HK2: variants seen among roughly 807,000 people sequenced by gnomAD.
HK2 encodes the protein hexokinase 2, also known as hexokinase-2.
A neutral mutation model predicts 92.9 loss-of-function variants in HK2; 42 were observed. The ratio of observed to expected loss-of-function variants is 0.45; its 90% CI spans 0.35 to 0.58. The LOEUF is 0.58. Among genes scored for constraint, HK2 ranks in the 20% least tolerant of loss-of-function variants. HK2 has a pLI of 0.00. For missense variants in HK2, 978 were observed against 1,245.1 expected, an observed-to-expected ratio of 0.79 and a Z score of 3.23; for synonymous variants, 422 against 468.0, an observed-to-expected ratio of 0.90 and a Z score of 1.27.
chr2:74,866,220 A>G (rs1688945709), intron 2 of HK2, among the ~76,000 whole-genome samples: 1 of 152,070 alleles, frequency 6.6e-6, no homozygotes, highest in South Asian at 2.1e-4. Context: ...TGCTGAGTGC[A>G]CCTGGGTGTA....
chr2:74,859,088 C>A (rs1688756702), intron 2 of HK2, among the ~76,000 whole-genome samples: 1 of 152,196 alleles, frequency 6.6e-6, no homozygotes, highest in Admixed American at 6.5e-5. Context: ...TGCTTCTTTC[C>A]CAAACAGTTT....
At position 74,834,528 on chromosome 2, in the gene HK2, C is replaced by A; in HGVS notation, c.-53C>A. 1.9e-6 allele frequency: 3 copies of A among 1,588,720 alleles called. No homozygotes were observed. The Admixed American group carries it at 5.0e-5, about 26-fold the overall frequency. ...AGTCGGACCGCGCCGCCCGCCTCCC[C>A]TCTCGCGTCTCCGCCTCGGTTTCCC... On this transcript the variant is annotated 5_prime_UTR_variant, in exon 1 of 18. Transcript: ENST00000290573. This position sits in a 1 kb window ranked among gnomAD's most constrained non-coding sequence, Gnocchi z 4.2.
chr2:74,866,722 T>G (rs1335329116), intron 2 of HK2, among the ~76,000 whole-genome samples: 1 of 152,170 alleles, frequency 6.6e-6, no homozygotes, highest in Non-Finnish European at 1.5e-5. Context: ...CCACAGCTTT[T>G]CTGTTGCTTC....
chr2:74,849,047 A>G lies in HK2; in HGVS notation c.64-5246A>G, dbSNP rs116804596. ...GTGTATGGCCCACCCTGCACACTGC[A>G]TACTTCGAAGTGGAGCCTCCATGAA... On this transcript the variant is annotated intron_variant, in intron 1 of 17. Transcript: ENST00000290573. 4.2e-3 allele frequency among the ~76,000 whole-genome samples: 647 copies of G among 152,268 alleles called. 5 individuals carry two copies. The highest frequency in any genetic ancestry group is 0.015 in the African/African-American group (605 of 41,548).
intron 10 of HK2, among the ~76,000 whole-genome samples, chr2:74,880,998 G>T (rs1689377745): frequency 6.6e-6 from 1 of 152,218 alleles, no homozygotes; most frequent in Non-Finnish European, 1.5e-5. Flanking sequence ...TCACCACATT[G>T]GTCTGAGTCA....
At position 74,867,621 on chromosome 2, in the gene HK2, T is replaced by G. The variant is rs1300506217; in HGVS notation, c.227-15T>G. ...TTTTGCCCAAAATTAATAGTGGCCCTTCCTTTCTCTGCAGAACACGGAGAG... is the reference window on the plus strand; with the variant it reads ...TTTTGCCCAAAATTAATAGTGGCCCGTCCTTTCTCTGCAGAACACGGAGAG... On this transcript the variant is annotated splice_polypyrimidine_tract_variant and intron_variant, in intron 2 of 17. Transcript: ENST00000290573. The G allele has an allele frequency of 1.9e-6, 3 of 1,612,366 alleles. No individual in the cohort carries two copies. The African/African-American group carries it at 4.0e-5, about 22-fold the overall frequency.
chr2:74,852,506 G>T (rs974725573), intron 1 of HK2, among the ~76,000 whole-genome samples: 1 of 152,132 alleles, frequency 6.6e-6, no homozygotes, highest in African/African-American at 2.4e-5. Context: ...GGAGGCCCAG[G>T]CCTCCTCAGG....
chr2:74,883,135 G>A (rs1397643535), intron 12 of HK2, among the ~76,000 whole-genome samples: 1 of 152,136 alleles, frequency 6.6e-6, no homozygotes, highest in African/African-American at 2.4e-5. Context: ...TTAAGCAGTT[G>A]TGTCTCTGTC....
At chr2:74,869,462 A>G (rs1442560197) in intron 3 of HK2, among the ~76,000 whole-genome samples, 1 of 152,216 alleles carries the variant, frequency 6.6e-6, no homozygotes, top group East Asian at 1.9e-4. Context: ...TTGGTTAAGA[A>G]CAAATCTTGG....
At chr2:74,873,815 G>T in intron 5 of HK2, 29 bp from the exon 6 acceptor site, 1 of 1,535,622 alleles carries the variant, frequency 6.5e-7, no homozygotes, top group Non-Finnish European at 9.0e-7. Flanking sequence ...TGATGATGAA[G>T]GTCAGAGCCC....
intron 7 of HK2, 144 bp from the exon 8 acceptor site, chr2:74,877,022 C>T (rs1689249140): frequency 9.2e-6 from 10 of 1,091,744 alleles, no homozygotes; most frequent in Non-Finnish European, 1.4e-5. Context: ...GCCGTCACCT[C>T]TCCACGTATC....
intron 1 of HK2, among the ~76,000 whole-genome samples, chr2:74,844,359 T>G (rs865953679): frequency 1.3e-5 from 2 of 152,324 alleles, no homozygotes; most frequent in Middle Eastern, 6.8e-3. Context: ...AGGTGTCAGT[T>G]TCCCAAGATC....
Position 74,834,664 on chromosome 2 carries a change from CGGCA to C in HK2, c.63+25_63+28del. On this transcript the variant is annotated intron_variant, in intron 1 of 17. Coordinates refer to ENST00000290573, the MANE Select transcript of HK2 (RefSeq NM_000189.5). This position sits in a 1 kb window ranked among gnomAD's most constrained non-coding sequence, Gnocchi z 4.2. ...AGAAGGTAAGTCAGCGCGGGCGGGGCGGCAGGCTGGGCTCTGGCAAAGTGGTCTG... is the reference window on the plus strand; with the variant it reads ...AGAAGGTAAGTCAGCGCGGGCGGGGCGGCTGGGCTCTGGCAAAGTGGTCTG... 1 of 1,612,966 alleles carries C rather than the reference CGGCA, an allele frequency of 6.2e-7. No individual in the cohort carries two copies. Among genetic ancestry groups the C allele is most frequent in the Non-Finnish European group, 8.5e-7 (1 of 1,179,128 alleles).
At chr2:74,878,413 CTGTGTGTGTG>C (rs56015017) in intron 8 of HK2, among the ~76,000 whole-genome samples, 23 of 149,916 alleles carry the variant, frequency 1.5e-4, no homozygotes, top group South Asian at 4.2e-4. Context: ...CCGTGTGTCT[CTGTGTGTGTG>C]TGTGTGTGTG....
chr2:74,859,979 T>G (rs1688784757), intron 2 of HK2, among the ~76,000 whole-genome samples: 1 of 152,234 alleles, frequency 6.6e-6, no homozygotes, highest in Non-Finnish European at 1.5e-5. Context: ...AATAGAATAC[T>G]GTTCAGTCTT....
chr2:74,887,351 A>T (rs759841630), intron 15 of HK2, among the ~76,000 whole-genome samples: 1 of 150,848 alleles, frequency 6.6e-6, no homozygotes, highest in Non-Finnish European at 1.5e-5. Context: ...GAAACTAGGG[A>T]CCTCGTTTTT....
rs1689543483 is a variant in HK2 at position 74,886,533 on chromosome 2, G to A, written c.2079G>A (p.Val693=). 4 of 1,613,876 alleles carry A rather than the reference G, an allele frequency of 2.5e-6. No homozygotes were observed. In the South Asian group the frequency reaches 4.4e-5, roughly 18 times the overall value. Residue 693 remains valine, a synonymous_variant, in exon 15 of 18, where the codon GTG becomes GTA. Transcript: ENST00000290573. ...GCTACATGGAGGAGATGCGCAACGT[G>A]GAACTGGTGGAAGGAGAAGAGGGGC... ...NACYMEEMRN[V]ELVEGEEGRM...
chr2:74,859,435 C>A (rs147980122), intron 2 of HK2, among the ~76,000 whole-genome samples: 2,927 of 152,092 alleles, frequency 0.019, 102 homozygotes, highest in African/African-American at 0.068. Flanking sequence ...GCCTGCAATC[C>A]CAGCACTTTG....
At chr2:74,841,888 A>G (rs1267394849) in intron 1 of HK2, among the ~76,000 whole-genome samples, 1 of 152,168 alleles carries the variant, frequency 6.6e-6, no homozygotes, top group African/African-American at 2.4e-5. Context: ...GGAAATTCAG[A>G]AGGCACTTGA....
Sources: gnomAD v4.1 joint callset for allele counts (sites outside exome capture counted in the v4.1 genomes callset) on GRCh38, gnomAD v4.1.1 for gene constraint, Gnocchi (gnomAD v3.1) non-coding constraint, MANE v1.5 for transcripts, NCBI Gene and HGNC (gene_info 2026-07-23, HGNC 2026-07-21) for gene names.